Variants in FAM20C observed in about 807,000 individuals in gnomAD.
FAM20C encodes the protein FAM20C golgi associated secretory pathway kinase.
In FAM20C, 40 loss-of-function variants were observed where a neutral mutation model predicts 51.5. That is an observed-to-expected ratio of 0.78 (90% confidence interval 0.60 to 1.01). The LOEUF is 1.01. Ranked by LOEUF, FAM20C falls within the 50% of genes least tolerant of loss-of-function variation. The pLI is 0.00. For synonymous variants in FAM20C, 406 were observed against 380.6 expected (o/e 1.07, Z -0.78); for missense variants, 861 against 844.7 (o/e 1.02, Z -0.24).
At chr7:256,289 G>A in intron 6 of FAM20C, 7 of 592,180 alleles carry the variant, frequency 1.2e-5, no homozygotes, top group Non-Finnish European at 2.1e-5. Flanking sequence ...CTCAGCGTTT[G>A]AGCTCTGCTC....
At chr7:210,308 C>A (rs959020454) in intron 3 of FAM20C, among the ~76,000 whole-genome samples, 1 of 152,204 alleles carries the variant, frequency 6.6e-6, no homozygotes, top group African/African-American at 2.4e-5. Flanking sequence ...CTCGTGGCCT[C>A]TGCCCCGGTT....
intron 5 of FAM20C, among the ~76,000 whole-genome samples, chr7:250,720 G>A (rs371261269): frequency 2.4e-4 from 36 of 152,346 alleles, no homozygotes; most frequent in East Asian, 2.3e-3. Context: ...AGGACTGACC[G>A]CACTGCAGCC....
intron 3 of FAM20C, among the ~76,000 whole-genome samples, chr7:234,845 G>A (rs1787803112): frequency 6.6e-6 from 1 of 152,128 alleles, no homozygotes; most frequent in Admixed American, 6.5e-5. Flanking sequence ...CCGTTTCTCC[G>A]AGATGAGTCC....
intron 3 of FAM20C, 133 bp downstream of exon 3, chr7:209,109 T>C: frequency 1.2e-6 from 1 of 856,604 alleles, no homozygotes; most frequent in Non-Finnish European, 1.9e-6. Context: ...CACTCTCAAC[T>C]CTCCCCGTCA....
At chr7:251,280 T>TGAGTGGCCGGGCACGGCGG (rs1462439696) in intron 5 of FAM20C, among the ~76,000 whole-genome samples, 3 of 76,140 alleles carry the variant, frequency 3.9e-5, no homozygotes, top group Non-Finnish European at 9.2e-5. Context: ...ACGCCTGCAA[T>TGAGTGGCCGGGCACGGCGG]CCCAGTACTG....
At chr7:241,826 CCCGTGTGT>C (rs1787956614) in intron 3 of FAM20C, among the ~76,000 whole-genome samples, 1 of 150,994 alleles carries the variant, frequency 6.6e-6, no homozygotes, top group Non-Finnish European at 1.5e-5. Context: ...TGTGTGTGTG[CCCGTGTGT>C]ACGTTTGTGA....
intron 3 of FAM20C, among the ~76,000 whole-genome samples, chr7:237,528 T>TA (rs1483143456): frequency 8.6e-5 from 13 of 151,926 alleles, no homozygotes; most frequent in African/African-American, 2.9e-4. Context: ...ATAACGATGG[T>TA]AAAAATGATG....
At chr7:248,479 G>T in intron 5 of FAM20C, 49 bp downstream of exon 5, 2 of 1,431,128 alleles carry the variant, frequency 1.4e-6, no homozygotes, top group Non-Finnish European at 1.9e-6. Flanking sequence ...AGCCTGGCAC[G>T]GGGGCCCGCA....
chr7:197,449 C>G (rs1015108104), intron 2 of FAM20C: 2 of 166,896 alleles, frequency 1.2e-5, no homozygotes, highest in African/African-American at 4.8e-5. Context: ...CCAGGGCGTT[C>G]GGGAGGAGCA....
intron 9 of FAM20C, among the ~76,000 whole-genome samples, chr7:259,243 G>T (rs371399332): frequency 1.2e-4 from 18 of 152,248 alleles, no homozygotes; most frequent in African/African-American, 4.1e-4. Flanking sequence ...TGAGCGGGCC[G>T]CCCTCCTCAC....
At chr7:202,669 G>A (rs1786188816) in intron 2 of FAM20C, among the ~76,000 whole-genome samples, 2 of 150,608 alleles carry the variant, frequency 1.3e-5, no homozygotes, top group Non-Finnish European at 3.0e-5. Context: ...CTGGGGAATG[G>A]GGCCCGTGGA....
intron 3 of FAM20C, chr7:228,236 A>G (rs1787520206): frequency 6.1e-6 from 2 of 329,638 alleles, no homozygotes; most frequent in Admixed American, 3.9e-5. Context: ...AAAATAAAAG[A>G]TAGGTCAGTA....
At chr7:247,022 A>C (rs1326518233) in intron 4 of FAM20C, among the ~76,000 whole-genome samples, 1 of 152,176 alleles carries the variant, frequency 6.6e-6, no homozygotes, top group Non-Finnish European at 1.5e-5. Flanking sequence ...GAAAGAGGGA[A>C]GGAGGCAGGG....
In FAM20C at chr7:193,414, C is replaced by A; in HGVS notation, c.215C>A (p.Ala72Asp). 1 of 1,412,524 alleles carries A rather than the reference C, an allele frequency of 7.1e-7. No homozygotes were observed. 87.5% of individuals were successfully genotyped at this position (1,412,524 alleles called of 1,614,324 possible). Residue 72 changes from alanine to aspartate, a missense_variant, in exon 1 of 10, where the codon GCC (alanine) becomes GAC (aspartate). Physicochemically the swap from Ala to Asp is moderately radical, Grantham distance 126. Transcript: ENST00000313766. ...CGGGGCCGCCCCGGGGAGCCCCCGG[C>A]CGCCTCCTCCGCCGCCGGCGACGCG... is the stretch of plus-strand genomic sequence containing the variant. ...QVRGRPGEPP[A>D]ASSAAGDAGW...
At chr7:228,771 C>T in intron 3 of FAM20C, 1 of 456,234 alleles carries the variant, frequency 2.2e-6, no homozygotes. Context: ...GAACAGACGC[C>T]ACGACTCTCA....
intron 3 of FAM20C, among the ~76,000 whole-genome samples, chr7:217,431 T>TCCCG (rs1308189226): frequency 6.8e-4 from 9 of 13,320 alleles, no homozygotes; most frequent in East Asian, 6.3e-3. Flanking sequence ...GAGCTGCATT[T>TCCCG]GGCTGTTTGT....
intron 3 of FAM20C, among the ~76,000 whole-genome samples, chr7:218,358 C>T (rs1787099893): frequency 6.6e-6 from 1 of 152,232 alleles, no homozygotes; most frequent in Non-Finnish European, 1.5e-5. Flanking sequence ...TCCGTGTGTC[C>T]TGCGGGGCCT....
chr7:228,184 A>G (rs1237896033), intron 3 of FAM20C: 2 of 318,526 alleles, frequency 6.3e-6, no homozygotes, highest in East Asian at 7.8e-5. Context: ...TCCGCCTGGC[A>G]TGGTTGTGAT....
At chr7:246,535 G>A (rs779384117) in intron 4 of FAM20C, 28 bp downstream of exon 4, 36 of 1,442,438 alleles carry the variant, frequency 2.5e-5, no homozygotes, top group African/African-American at 4.5e-5. Context: ...CCCTCCATCC[G>A]CGCTCCCGTG....
Sources: allele counts gnomAD v4.1 joint callset (sites outside exome capture counted in the v4.1 genomes callset), GRCh38; gene constraint gnomAD v4.1.1; transcripts MANE v1.5; gene names NCBI Gene and HGNC (gene_info 2026-07-23, HGNC 2026-07-21).